CCDC50: variants seen among roughly 807,000 people sequenced by gnomAD.
The protein encoded by CCDC50 is coiled-coil domain containing 50, also known as coiled-coil domain-containing protein 50.
CCDC50 carries 54 observed loss-of-function variants against 70.2 expected under a neutral mutation model. That is an observed-to-expected ratio of 0.77 (90% confidence interval 0.62 to 0.96). CCDC50 has a LOEUF of 0.96. Ranked by LOEUF, CCDC50 falls within the 50% of genes least tolerant of loss-of-function variation. CCDC50 has a pLI of 0.00. For synonymous variants in CCDC50, 216 were observed against 198.8 expected (o/e 1.09, Z -0.73); for missense variants, 558 against 578.7 (o/e 0.96, Z 0.37).
In CCDC50 at chr3:191,370,102, T is replaced by C. The variant is rs79469919; in HGVS notation, c.448+66T>C. 44 of 1,192,830 alleles carry C rather than the reference T, an allele frequency of 3.7e-5. No individual in the cohort carries two copies. The African/African-American group carries it at 6.3e-4, about 17-fold the overall frequency. 73.9% of individuals were successfully genotyped at this position (1,192,830 alleles called of 1,614,324 possible). A position where few individuals can be genotyped will look rare whatever the true frequency, so the allele number is the denominator to read the frequency against. ...CAACCATAAAACACTCCTTTAATTT[T>C]GTTCATAAAGTGACCTTAGGGACCT... is the stretch of plus-strand genomic sequence containing the variant. On this transcript the variant is annotated intron_variant, in intron 5 of 11. Transcript: ENST00000392455.
chr3:191,367,153 T>C (rs1325862679), intron 4 of CCDC50, among the ~76,000 whole-genome samples: 1 of 152,128 alleles, frequency 6.6e-6, no homozygotes, highest in Non-Finnish European at 1.5e-5. Flanking sequence ...GTTTGGGTGC[T>C]AAGGTGCATG....
chr3:191,334,566 C>T (rs536535726), intron 1 of CCDC50, among the ~76,000 whole-genome samples: 1 of 152,158 alleles, frequency 6.6e-6, no homozygotes, highest in South Asian at 2.1e-4. Flanking sequence ...TGTATTAAAC[C>T]ACTGAGGCTA....
rs1035213800 is a variant in CCDC50, at chr3:191,392,049, A to G, written c.*289A>G. 1.6e-5 allele frequency: 6 copies of G among 371,468 alleles called. No individual in the cohort carries two copies. Among genetic ancestry groups the G allele is most frequent in the East Asian group, 4.8e-5 (1 of 20,646 alleles). The allele number at this position is 371,468 out of a possible 1,614,324, so 23.0% of individuals were successfully genotyped here. On this transcript the variant is annotated 3_prime_UTR_variant, in exon 12 of 12. Coordinates refer to ENST00000392455, the MANE Select transcript of CCDC50 (RefSeq NM_178335.3). ...TTTGTAAACTGCCATTTTGTTAGGTATGGAGTTTGGTATCTAGGGAGTAGG... is the reference window on the plus strand; with the variant it reads ...TTTGTAAACTGCCATTTTGTTAGGTGTGGAGTTTGGTATCTAGGGAGTAGG...
chr3:191,373,429 A>G (rs1012285402), intron 5 of CCDC50, among the ~76,000 whole-genome samples: 1 of 152,182 alleles, frequency 6.6e-6, no homozygotes, highest in African/African-American at 2.4e-5. Flanking sequence ...TAAAAATCAT[A>G]ATATCACAAA....
intron 1 of CCDC50, 33 bp downstream of exon 1, chr3:191,329,756 C>G: frequency 6.3e-7 from 1 of 1,597,412 alleles, no homozygotes; most frequent in Non-Finnish European, 8.5e-7. Flanking sequence ...GCGCGGGACC[C>G]TCCCCTCTCC....
intron 10 of CCDC50, among the ~76,000 whole-genome samples, chr3:191,386,216 ATTTTTTTTTTT>A (rs76983981): frequency 8.0e-6 from 1 of 125,734 alleles, no homozygotes. Context: ...TAGTATGGGC[ATTTTTTTTTTT>A]TTTTTTTTTT....
At chr3:191,374,805 C>T (rs766671099) in intron 5 of CCDC50, among the ~76,000 whole-genome samples, 5 of 152,096 alleles carry the variant, frequency 3.3e-5, no homozygotes, top group South Asian at 2.1e-4. Context: ...TCTACCTAAT[C>T]GTGATCAAGC....
rs1489944300 is a variant in CCDC50, at chr3:191,394,084, A to C, written c.*2324A>C. 6.6e-6 allele frequency: 1 copy of C among 152,106 alleles called. No individual in the cohort carries two copies. The allele number at this position is 152,106 out of a possible 1,614,324, so 9.4% of individuals were successfully genotyped here. A position where few individuals can be genotyped will look rare whatever the true frequency, so the allele number is the denominator to read the frequency against. On this transcript the variant is annotated 3_prime_UTR_variant, in exon 12 of 12. Coordinates refer to ENST00000392455, the MANE Select transcript of CCDC50 (RefSeq NM_178335.3). ...TCAAAAAAAAGTCGGACCACTTAAC[A>C]CTTACCAGGAATGTTAGTGTTTCAG... is the stretch of plus-strand genomic sequence containing the variant.
At chr3:191,359,183 G>T (rs1013859281) in intron 3 of CCDC50, among the ~76,000 whole-genome samples, 1 of 152,086 alleles carries the variant, frequency 6.6e-6, no homozygotes, top group African/African-American at 2.4e-5. Context: ...TTAGAGAGAA[G>T]AGACTGGGAA....
chr3:191,375,415 C>A lies in CCDC50; in HGVS notation c.802C>A (p.Gln268Lys). 1 of 1,613,780 alleles carries A rather than the reference C, an allele frequency of 6.2e-7. No homozygotes were observed. The highest frequency in any genetic ancestry group is 8.5e-7 in the Non-Finnish European group (1 of 1,179,852). ...CCATCAGACTCGAAATTGGGAAAAA[C>A]AGTCTCGACACCAAGATCGACTTTC... ...INHQTRNWEKQSRHQDRLSPK... is the reference protein window; with the variant it reads ...INHQTRNWEKKSRHQDRLSPK... Residue 268 changes from glutamine to lysine, a missense_variant, in exon 6 of 12, where the codon CAG (glutamine) becomes AAG (lysine). Physicochemically the swap from Gln to Lys is moderately conservative, Grantham distance 53. Coordinates refer to ENST00000392455, the MANE Select transcript of CCDC50 (RefSeq NM_178335.3).
chr3:191,387,023 A>G (rs759948543), intron 10 of CCDC50, among the ~76,000 whole-genome samples: 17 of 152,192 alleles, frequency 1.1e-4, no homozygotes, highest in Non-Finnish European at 1.9e-4. Flanking sequence ...GTGCATTCTT[A>G]TTAATGTGAA....
In CCDC50 at chr3:191,375,413, AAC is replaced by A; in HGVS notation, c.802_803del (p.Gln268ValfsTer32). The A allele has an allele frequency of 6.2e-7, 1 of 1,613,832 alleles. No homozygotes were observed. The highest frequency in any genetic ancestry group is 8.5e-7 in the Non-Finnish European group (1 of 1,179,864). On this transcript the variant is annotated frameshift_variant, in exon 6 of 12. Coordinates refer to ENST00000392455, the MANE Select transcript of CCDC50 (RefSeq NM_178335.3). LOFTEE classifies it high-confidence loss of function. The stretch of plus-strand genomic sequence containing the variant: ...AACCATCAGACTCGAAATTGGGAAA[AAC>A]AGTCTCGACACCAAGATCGACTTTC...
chr3:191,352,896 T>C (rs1712150107), intron 1 of CCDC50, among the ~76,000 whole-genome samples: 2 of 142,518 alleles, frequency 1.4e-5, no homozygotes, highest in African/African-American at 5.0e-5. Context: ...AATAGCAGAG[T>C]TTAATTCTGT....
chr3:191,359,116 G>A (rs1712396474), intron 3 of CCDC50, among the ~76,000 whole-genome samples: 1 of 152,158 alleles, frequency 6.6e-6, no homozygotes, highest in African/African-American at 2.4e-5. Context: ...TGAGCATTGT[G>A]TATCTAGAGA....
rs187715505 is a variant in CCDC50, at chr3:191,348,580, T to A, written c.50-8508T>A. Among the ~76,000 whole-genome samples, 31 of 142,256 alleles carry A rather than the reference T, an allele frequency of 2.2e-4. 3 individuals carry two copies. The highest frequency in any genetic ancestry group is 7.0e-4 in the African/African-American group (28 of 39,954). 93.3% of individuals were successfully genotyped at this position (142,256 alleles called of 152,430 possible). A position where few individuals can be genotyped will look rare whatever the true frequency, so the allele number is the denominator to read the frequency against. On this transcript the variant is annotated intron_variant, in intron 1 of 11. Transcript: ENST00000392455. ...ATCTGATTTAATTGTATTATGGATCTCTGTTTAGAAGGATCATCTATCTCC... is the reference window on the plus strand; with the variant it reads ...ATCTGATTTAATTGTATTATGGATCACTGTTTAGAAGGATCATCTATCTCC...
intron 1 of CCDC50, among the ~76,000 whole-genome samples, chr3:191,337,585 C>T (rs755777674): frequency 3.3e-5 from 5 of 151,898 alleles, no homozygotes; most frequent in Non-Finnish European, 4.4e-5. Flanking sequence ...CCTCGTGATC[C>T]GCCCATCTCG....
chr3:191,343,451 C>T (rs910861360), intron 1 of CCDC50, among the ~76,000 whole-genome samples: 5 of 152,180 alleles, frequency 3.3e-5, no homozygotes, highest in Non-Finnish European at 7.3e-5. Context: ...TAATCTTTCT[C>T]TAAGTATAAT....
In CCDC50 at chr3:191,350,857, C is replaced by G. The variant is rs770071005; in HGVS notation, c.50-6231C>G. 4.2e-4 allele frequency among the ~76,000 whole-genome samples: 60 copies of G among 141,674 alleles called. 10 individuals carry two copies. Among genetic ancestry groups the G allele is most frequent in the Non-Finnish European group, 8.6e-4 (54 of 62,894 alleles). The allele number at this position is 141,674 out of a possible 152,430, so 92.9% of individuals were successfully genotyped here. Reference sequence around the variant, plus strand: ...GCAGAGTTAGTTTAGCAAAATGTCCCCCACTAAGTTTTTTTCTCACCGGCA... The same window carrying G: ...GCAGAGTTAGTTTAGCAAAATGTCCGCCACTAAGTTTTTTTCTCACCGGCA... On this transcript the variant is annotated intron_variant, in intron 1 of 11. Coordinates refer to ENST00000392455, the MANE Select transcript of CCDC50 (RefSeq NM_178335.3).
intron 1 of CCDC50, among the ~76,000 whole-genome samples, chr3:191,352,126 T>C (rs1576955068): frequency 7.0e-6 from 1 of 142,488 alleles, no homozygotes; most frequent in Admixed American, 7.1e-5. Flanking sequence ...TTTTCTTTAG[T>C]ACAACTAATT....
Sources: allele counts gnomAD v4.1 joint callset (sites outside exome capture counted in the v4.1 genomes callset), GRCh38; gene constraint gnomAD v4.1.1; transcripts MANE v1.5; gene names NCBI Gene and HGNC (gene_info 2026-07-23, HGNC 2026-07-21).